The following CCDC171 variants were observed in gnomAD, a reference collection of about 807,000 sequenced individuals.
The protein encoded by CCDC171 is coiled-coil domain-containing protein 171.
In CCDC171, 177 loss-of-function variants were observed where a neutral mutation model predicts 168.2. That is an observed-to-expected ratio of 1.05 (90% CI 0.93 to 1.19). CCDC171 has a LOEUF of 1.19. Among genes scored for constraint, CCDC171 ranks in the 50% most tolerant of loss-of-function variants. The pLI is 0.00. For missense variants in CCDC171, 1,991 were observed against 1,539.0 expected (o/e 1.29, Z -4.91); for synonymous variants, 687 against 540.8 (o/e 1.27, Z -3.75).
At chr9:16,089,177 G>C in the CCDC171 span, among the ~76,000 whole-genome samples, 13 of 151,950 alleles carry the variant, frequency 8.6e-5, no homozygotes, top group African/African-American at 2.7e-4. Context: ...ACTGAAACTG[G>C]ACCCCTTCTT....
At position 15,787,163 on chromosome 9, in the gene CCDC171, A is replaced by G. The variant is rs185852789; in HGVS notation, c.3267+2469A>G. The stretch of plus-strand genomic sequence containing the variant: ...TTAGGGTGTATTTTGATGTTTTGCT[A>G]CATGTATGCATTGTGGAATGATCAA... On this transcript the variant is annotated intron_variant, in intron 21 of 25. Transcript: ENST00000380701. 9.2e-5 allele frequency among the ~76,000 whole-genome samples: 14 copies of G among 152,262 alleles called. No homozygotes were observed. The East Asian group carries it at 2.3e-3, about 25-fold the overall frequency.
At chr9:15,922,628 A>C (rs1260298427) in intron 25 of CCDC171, among the ~76,000 whole-genome samples, 3 of 151,462 alleles carry the variant, frequency 2.0e-5, no homozygotes, top group African/African-American at 7.3e-5. Flanking sequence ...TCTAGTTTTA[A>C]TTTTTTGAGG....
At chr9:16,010,191 C>CT (rs1178505586) in intron 3 of CCDC171, among the ~76,000 whole-genome samples, 2 of 152,110 alleles carry the variant, frequency 1.3e-5, no homozygotes, top group Non-Finnish European at 2.9e-5. Flanking sequence ...GGTTTTGCCT[C>CT]TCCATGGTAC....
chr9:16,071,804 A>G, the CCDC171 span, among the ~76,000 whole-genome samples: 23 of 152,026 alleles, frequency 1.5e-4, no homozygotes, highest in Non-Finnish European at 2.8e-4. Flanking sequence ...ATCCACTGCC[A>G]TTCTCTAGTC....
In CCDC171 at chr9:15,927,877, G is replaced by A. The variant is rs183384263; in HGVS notation, c.3753+7455G>A. Among the ~76,000 whole-genome samples, 43 of 151,788 alleles carry A rather than the reference G, an allele frequency of 2.8e-4. 1 individual carries two copies. The highest frequency in any genetic ancestry group is 1.8e-3 in the Admixed American group (28 of 15,196). ...CACAGAATTAAGTGTTTTTCTCCAGGTAAGTTGCTTCCACAAACATTCATA... is the reference window on the plus strand; with the variant it reads ...CACAGAATTAAGTGTTTTTCTCCAGATAAGTTGCTTCCACAAACATTCATA... On this transcript the variant is annotated intron_variant, in intron 25 of 25. Coordinates refer to ENST00000380701, the MANE Select transcript of CCDC171 (RefSeq NM_173550.4).
rs140836499 is a variant in CCDC171 at position 15,834,799 on chromosome 9, T to G, written c.3268-11903T>G. ...ACGTATATGCACTCTACAAGGATTA[T>G]TGTTAAGGGCATCTACAAGGAAAAT... is the stretch of plus-strand genomic sequence containing the variant. On this transcript the variant is annotated intron_variant, in intron 21 of 25. Transcript: ENST00000380701. Among the ~76,000 whole-genome samples, 1,023 of 152,358 alleles carry G rather than the reference T, an allele frequency of 6.7e-3. 6 individuals carry two copies. Among genetic ancestry groups the G allele is most frequent in the Non-Finnish European group, 0.011 (751 of 68,034 alleles).
At chr9:15,945,408 C>G (rs1458429405) in intron 25 of CCDC171, among the ~76,000 whole-genome samples, 1 of 150,730 alleles carries the variant, frequency 6.6e-6, no homozygotes, top group Non-Finnish European at 1.5e-5. Context: ...AATGGGATGG[C>G]TGGGTCAGAT....
the CCDC171 span, among the ~76,000 whole-genome samples, chr9:16,082,749 T>A: frequency 6.6e-6 from 1 of 152,226 alleles, no homozygotes; most frequent in Non-Finnish European, 1.5e-5. Flanking sequence ...GACCGTGCAT[T>A]CTTGAGTGAG....
rs2061681913 is a variant in CCDC171 at position 15,864,369 on chromosome 9, T to C, written c.3469-10163T>C. On this transcript the variant is annotated intron_variant, in intron 23 of 25. Coordinates refer to ENST00000380701, the MANE Select transcript of CCDC171 (RefSeq NM_173550.4). ...TACATGTGCACAATGTGCAGGTTTG[T>C]TACATATGTATACATGTGCCATGTT... Among the ~76,000 whole-genome samples, 3 of 152,258 alleles carry C rather than the reference T, an allele frequency of 2.0e-5. No individual in the cohort carries two copies. The South Asian group carries it at 6.2e-4, about 32-fold the overall frequency.
At chr9:15,620,667 A>G (rs1182600198) in intron 6 of CCDC171, among the ~76,000 whole-genome samples, 1 of 152,250 alleles carries the variant, frequency 6.6e-6, no homozygotes, top group Non-Finnish European at 1.5e-5. Flanking sequence ...CTTAGTTGCT[A>G]AAGTAGCCAT....
intron 25 of CCDC171, among the ~76,000 whole-genome samples, chr9:15,921,674 A>G (rs1825346369): frequency 2.0e-5 from 3 of 151,628 alleles, no homozygotes; most frequent in Admixed American, 6.6e-5. Context: ...TTGGGACCAG[A>G]GTTGTGAGTT....
chr9:15,699,194 G>A (rs1588029605), intron 11 of CCDC171, among the ~76,000 whole-genome samples: 1 of 152,028 alleles, frequency 6.6e-6, no homozygotes, highest in South Asian at 2.1e-4. Flanking sequence ...TGGTTCAGGA[G>A]TGAAGCTGCG....
At chr9:15,634,311 A>T (rs941620925) in intron 7 of CCDC171, among the ~76,000 whole-genome samples, 2 of 152,094 alleles carry the variant, frequency 1.3e-5, no homozygotes, top group African/African-American at 4.8e-5. Flanking sequence ...TAAACATTAC[A>T]ATCTATAGGT....
intron 23 of CCDC171, among the ~76,000 whole-genome samples, chr9:15,863,341 C>T (rs930555536): frequency 3.3e-5 from 5 of 151,990 alleles, no homozygotes; most frequent in African/African-American, 4.8e-5. Context: ...CTCTCAGCTA[C>T]TTTCTTGAAT....
chr9:16,062,587 A>G (rs1474879071), downstream of CCDC171, among the ~76,000 whole-genome samples: 1 of 152,226 alleles, frequency 6.6e-6, no homozygotes, highest in Non-Finnish European at 1.5e-5. Context: ...GAAAGTAAGG[A>G]GATGACAAAT....
chr9:15,810,140 T>A lies in CCDC171; in HGVS notation c.3267+25446T>A, dbSNP rs370463982. ...CCTGAACTAGACACAGAGTGCTGAT[T>A]GGTGCATTTACAATCCTCTAGCTAG... is the stretch of plus-strand genomic sequence containing the variant. On this transcript the variant is annotated intron_variant, in intron 21 of 25. Coordinates refer to ENST00000380701, the MANE Select transcript of CCDC171 (RefSeq NM_173550.4). 2.6e-5 allele frequency among the ~76,000 whole-genome samples: 4 copies of A among 151,940 alleles called. 1 individual carries two copies. Among genetic ancestry groups the A allele is most frequent in the Admixed American group, 1.3e-4 (2 of 15,288 alleles).
intron 11 of CCDC171, among the ~76,000 whole-genome samples, chr9:15,699,122 T>A (rs1350863608): frequency 6.6e-6 from 1 of 152,144 alleles, no homozygotes; most frequent in African/African-American, 2.4e-5. Flanking sequence ...GTCCAGAGTT[T>A]GTTCCTTCTG....
rs1334081172 is a variant in CCDC171 at position 15,724,827 on chromosome 9, A to G, written c.1543A>G (p.Thr515Ala). ...DVNKELSHLH[T>A]KCADREALIS... The stretch of plus-strand genomic sequence containing the variant: ...TAATAAAGAGTTAAGTCATTTACAC[A>G]CTAAATGTGCAGACCGAGAGGCTTT... The change falls in exon 14 of 26, where the codon ACT (threonine) becomes GCT (alanine). Residue 515 changes from threonine (T) to alanine (A), a missense_variant. By Grantham distance (58) the Thr-to-Ala change is moderately conservative. Coordinates refer to ENST00000380701, the MANE Select transcript of CCDC171 (RefSeq NM_173550.4). The G allele has an allele frequency of 6.2e-7, 1 of 1,613,778 alleles. No homozygotes were observed. Among genetic ancestry groups the G allele is most frequent in the South Asian group, 1.1e-5 (1 of 91,076 alleles).
At chr9:16,046,154 A>G (rs1833655732) in intron 1 of CCDC171, among the ~76,000 whole-genome samples, 1 of 152,182 alleles carries the variant, frequency 6.6e-6, no homozygotes, top group African/African-American at 2.4e-5. Flanking sequence ...TTCTGTGTTC[A>G]CTATGGGTTG....
Sources: gnomAD v4.1 joint callset for allele counts (sites outside exome capture counted in the v4.1 genomes callset) on GRCh38, gnomAD v4.1.1 for gene constraint, MANE v1.5 for transcripts, NCBI Gene and HGNC (gene_info 2026-07-23, HGNC 2026-07-21) for gene names.